INSC: variants seen among roughly 807,000 people sequenced by gnomAD.
INSC encodes the protein protein inscuteable homolog.
INSC carries 67 observed loss-of-function variants against 58.6 expected under a neutral mutation model. The observed-to-expected ratio is 1.14, with a 90% CI of 0.94 to 1.40. The LOEUF (loss-of-function observed/expected upper bound fraction) is 1.40. INSC is among the 40% of genes most tolerant of loss of function. INSC has a pLI of 0.00. For synonymous variants in INSC, 262 were observed against 276.1 expected (o/e 0.95, Z 0.51); for missense variants, 714 against 692.0 (o/e 1.03, Z -0.36).
upstream of INSC, chr11:15,112,470 A>G: frequency 6.2e-7 from 1 of 1,604,748 alleles, no homozygotes; most frequent in Middle Eastern, 1.7e-4. Context: ...GGCTGGAGCC[A>G]TGAGACGGCC....
intron 2 of INSC, among the ~76,000 whole-genome samples, chr11:15,167,713 G>C (rs142051495): frequency 6.2e-4 from 94 of 152,076 alleles, no homozygotes; most frequent in African/African-American, 2.2e-3. Flanking sequence ...CAAACTCCTA[G>C]TTTCAAGGGA....
In INSC at chr11:15,176,060, A is replaced by G. The variant is rs571431439; in HGVS notation, c.376A>G (p.Arg126Gly). The change falls in exon 3 of 13, where the codon AGG becomes GGG. Residue 126 changes from arginine to glycine, a missense_variant. By Grantham distance (125) the Arg-to-Gly change is moderately radical. Transcript: ENST00000379556. ...GGTCAGCGAGTACAGTGCTGTCAGC[A>G]GGAACTCCTTGAAGGAAATGGGCGA... ...SMVSEYSAVSRNSLKEMGEIE... is the reference protein window; with the variant it reads ...SMVSEYSAVSGNSLKEMGEIE... 38 of 1,540,242 alleles carry G rather than the reference A, an allele frequency of 2.5e-5. No homozygotes were observed. The Admixed American group carries it at 5.6e-4, about 23-fold the overall frequency.
At position 15,180,073 on chromosome 11, in the gene INSC, G is replaced by A. The variant is rs943920473; in HGVS notation, c.579+1626G>A. Among the ~76,000 whole-genome samples the A allele has an allele frequency of 4.6e-5, 7 of 152,232 alleles. No homozygotes were observed. The South Asian group carries it at 1.5e-3, about 32-fold the overall frequency. On this transcript the variant is annotated intron_variant, in intron 5 of 12. Coordinates refer to ENST00000379556, the MANE Select transcript of INSC (RefSeq NM_001042536.3). Reference sequence around the variant, plus strand: ...AGATCGAAACCATCCTGGCTAACGTGGTGAAACCCCATCTGTACTGAAAAT... The same window carrying A: ...AGATCGAAACCATCCTGGCTAACGTAGTGAAACCCCATCTGTACTGAAAAT...
chr11:15,114,949 A>G lies in INSC; in HGVS notation c.-100A>G. ...CTTTGCGCGCGGCCTCTGGAGCTCC[A>G]GCTGCGCCCCGCCACCACTGGCCGC... On this transcript the variant is annotated 5_prime_UTR_variant, in exon 1 of 13. Coordinates refer to ENST00000379556, the MANE Select transcript of INSC (RefSeq NM_001042536.3). 10 of 985,462 alleles carry G rather than the reference A, an allele frequency of 1.0e-5. No individual in the cohort carries two copies. The highest frequency in any genetic ancestry group is 1.2e-5 in the Non-Finnish European group (10 of 829,940). The allele number at this position is 985,462 out of a possible 1,614,324, so 61.0% of individuals were successfully genotyped here. A position where few individuals can be genotyped will look rare whatever the true frequency, so the allele number is the denominator to read the frequency against.
At chr11:15,160,731 TA>T (rs1848988532) in intron 2 of INSC, among the ~76,000 whole-genome samples, 1 of 152,200 alleles carries the variant, frequency 6.6e-6, no homozygotes, top group African/African-American at 2.4e-5. Context: ...CTGTCAGATG[TA>T]CACATTGGCT....
chr11:15,260,713 A>G, the INSC span, among the ~76,000 whole-genome samples: 1 of 152,210 alleles, frequency 6.6e-6, no homozygotes, highest in Non-Finnish European at 1.5e-5. Context: ...GGGGACAAAT[A>G]AATGGAAGAA....
intron 8 of INSC, among the ~76,000 whole-genome samples, chr11:15,224,797 T>C (rs569885298): frequency 6.6e-6 from 1 of 152,282 alleles, no homozygotes; most frequent in East Asian, 1.9e-4. Context: ...TAAAGGCCCT[T>C]AGTACAATTA....
downstream of INSC, among the ~76,000 whole-genome samples, chr11:15,249,855 G>A (rs777036895): frequency 5.9e-5 from 9 of 152,228 alleles, no homozygotes; most frequent in Non-Finnish European, 1.3e-4. Context: ...GGCCAGCTAT[G>A]TGGCCTTAGG....
rs75767923 is a variant in INSC at position 15,115,342 on chromosome 11, G to A, written c.-46+339G>A. ...GTGGAAATGCCTGTGTGTGTGGCAG[G>A]AAGGCCCCCAGGTGGGCTGAGCCAG... On this transcript the variant is annotated intron_variant, in intron 1 of 12. Coordinates refer to ENST00000379556, the MANE Select transcript of INSC (RefSeq NM_001042536.3). Among the ~76,000 whole-genome samples, 173 of 152,314 alleles carry A rather than the reference G, an allele frequency of 1.1e-3. 1 individual carries two copies. Among genetic ancestry groups the A allele is most frequent in the African/African-American group, 4.1e-3 (169 of 41,568 alleles).
intron 8 of INSC, among the ~76,000 whole-genome samples, chr11:15,224,979 C>G (rs1851577886): frequency 6.6e-6 from 1 of 152,148 alleles, no homozygotes; most frequent in Admixed American, 6.5e-5. Flanking sequence ...TATAGTCTCT[C>G]TGTTTCACCT....
At chr11:15,154,531 G>A (rs1043830356) in intron 2 of INSC, among the ~76,000 whole-genome samples, 2 of 152,206 alleles carry the variant, frequency 1.3e-5, no homozygotes, top group African/African-American at 4.8e-5. Flanking sequence ...TAATTAAGAA[G>A]TATTTTTAGT....
chr11:15,232,933 T>C (rs1851979415), intron 9 of INSC, among the ~76,000 whole-genome samples: 1 of 152,254 alleles, frequency 6.6e-6, no homozygotes, highest in Non-Finnish European at 1.5e-5. Flanking sequence ...ATTTTTGCTA[T>C]GTAAGACTCA....
chr11:15,206,998 C>T (rs1400221106), intron 7 of INSC, among the ~76,000 whole-genome samples: 1 of 152,166 alleles, frequency 6.6e-6, no homozygotes, highest in African/African-American at 2.4e-5. Flanking sequence ...GTGCCAGGTA[C>T]TCTGAGTGGT....
intron 2 of INSC, among the ~76,000 whole-genome samples, chr11:15,157,993 G>A (rs1375159909): frequency 5.3e-5 from 8 of 152,158 alleles, no homozygotes; most frequent in African/African-American, 1.9e-4. Flanking sequence ...GCAGCTTCAG[G>A]AGAAACCAGG....
chr11:15,121,477 G>A (rs557012130), intron 1 of INSC, among the ~76,000 whole-genome samples: 1 of 152,206 alleles, frequency 6.6e-6, no homozygotes, highest in Non-Finnish European at 1.5e-5. Context: ...TTTCATATCA[G>A]CAAGCACATG....
chr11:15,142,282 C>T (rs1361806980), intron 1 of INSC, among the ~76,000 whole-genome samples: 9 of 152,162 alleles, frequency 5.9e-5, no homozygotes, highest in African/African-American at 1.4e-4. Context: ...TCTGCATTCC[C>T]GTGCTACTGA....
chr11:15,164,143 T>C (rs1849114539), intron 2 of INSC, among the ~76,000 whole-genome samples: 1 of 54,346 alleles, frequency 1.8e-5, no homozygotes. Flanking sequence ...AAGAGTACAT[T>C]TTTTTTCTGG....
chr11:15,245,572 C>T (rs1786868395), intron 12 of INSC, among the ~76,000 whole-genome samples: 1 of 152,160 alleles, frequency 6.6e-6, no homozygotes, highest in African/African-American at 2.4e-5. Context: ...TAGCACCTTG[C>T]TGAATTTATG....
At chr11:15,171,644 G>A (rs1043536085) in intron 2 of INSC, among the ~76,000 whole-genome samples, 1 of 152,188 alleles carries the variant, frequency 6.6e-6, no homozygotes, top group Non-Finnish European at 1.5e-5. Context: ...ATTCCCAGCA[G>A]ATCCTTACTC....
Sources: allele counts gnomAD v4.1 joint callset (sites outside exome capture counted in the v4.1 genomes callset), GRCh38; gene constraint gnomAD v4.1.1; transcripts MANE v1.5; gene names NCBI Gene and HGNC (gene_info 2026-07-23, HGNC 2026-07-21).